ACACA: variants seen among roughly 807,000 people sequenced by gnomAD.
ACACA encodes acetyl-CoA carboxylase alpha, also known as acetyl-CoA carboxylase 1.
Under a neutral mutation model 296.1 loss-of-function variants are expected in ACACA, and 103 were observed. The ratio of observed to expected loss-of-function variants is 0.35; its 90% CI spans 0.30 to 0.41. The LOEUF is 0.41. Among genes scored for constraint, ACACA ranks in the 10% least tolerant of loss-of-function variants. The pLI, the probability that ACACA is intolerant of heterozygous loss-of-function variation, is 1.00. For synonymous variants in ACACA, 953 were observed against 1,038.6 expected, an observed-to-expected ratio of 0.92 and a Z score of 1.58; for missense variants, 1,554 against 2,989.7, an observed-to-expected ratio of 0.52 and a Z score of 11.20.
At chr17:37,091,340 C>T (rs894331082) in intron 54 of ACACA, among the ~76,000 whole-genome samples, 3 of 152,166 alleles carry the variant, frequency 2.0e-5, no homozygotes, top group Non-Finnish European at 2.9e-5. Flanking sequence ...CTGCTGTTTA[C>T]GCAAAGTACA....
intron 2 of ACACA, among the ~76,000 whole-genome samples, chr17:37,337,720 T>A (rs1018442351): frequency 6.6e-6 from 1 of 151,734 alleles, no homozygotes; most frequent in African/African-American, 2.4e-5. Context: ...CCCAAACGGT[T>A]GGGATTATCA....
chr17:37,405,738 G>C (rs1037350422), intron 1 of ACACA, among the ~76,000 whole-genome samples: 1 of 151,988 alleles, frequency 6.6e-6, no homozygotes, highest in African/African-American at 2.4e-5. Flanking sequence ...ATTTTTAGTA[G>C]AGACGGGATT....
rs75694062 is a variant in ACACA at position 37,354,893 on chromosome 17, C to T, written c.39-15043G>A. The stretch of plus-strand genomic sequence containing the variant: ...AATGAGCAATGATCACGTCACTGCA[C>T]TCCATCCGGCCTGGGTGACACAGCG... On this transcript the variant is annotated intron_variant, in intron 1 of 55. Coordinates refer to ENST00000616317, the MANE Select transcript of ACACA (RefSeq NM_198834.3). Among the ~76,000 whole-genome samples the T allele has an allele frequency of 2.4e-4, 36 of 152,304 alleles. No homozygotes were observed. In the East Asian group the frequency reaches 6.6e-3, roughly 28 times the overall value.
At chr17:37,156,811 C>G (rs1397813195) in intron 42 of ACACA, among the ~76,000 whole-genome samples, 1 of 152,148 alleles carries the variant, frequency 6.6e-6, no homozygotes, top group African/African-American at 2.4e-5. Context: ...TTATGCCCAC[C>G]ATTTAACTCA....
intron 1 of ACACA, among the ~76,000 whole-genome samples, chr17:37,403,877 C>T (rs2051374140): frequency 6.6e-6 from 1 of 151,858 alleles, no homozygotes; most frequent in East Asian, 1.9e-4. Context: ...CTCCAGGGTT[C>T]AAGCAATTCT....
Position 37,188,491 on chromosome 17 carries a change from C to T in ACACA, c.4573-11G>A. On this transcript the variant is annotated splice_polypyrimidine_tract_variant and intron_variant, in intron 38 of 55. Coordinates refer to ENST00000616317, the MANE Select transcript of ACACA (RefSeq NM_198834.3). Reference sequence around the variant, plus strand: ...CACGGATTCCTCAATCTGACACAGACACATCACCAAGCACAAAACTTAAAT... The same window carrying T: ...CACGGATTCCTCAATCTGACACAGATACATCACCAAGCACAAAACTTAAAT... 6.2e-7 allele frequency: 1 copy of T among 1,612,400 alleles called. No homozygotes were observed. The highest frequency in any genetic ancestry group is 8.5e-7 in the Non-Finnish European group (1 of 1,179,930).
At chr17:37,320,159 T>C (rs754079741) in intron 3 of ACACA, among the ~76,000 whole-genome samples, 1 of 151,926 alleles carries the variant, frequency 6.6e-6, no homozygotes, top group African/African-American at 2.4e-5. Context: ...TAAATATATA[T>C]TTTCTAACTT....
chr17:37,345,653 G>A (rs189638883), intron 1 of ACACA, among the ~76,000 whole-genome samples: 5 of 152,238 alleles, frequency 3.3e-5, no homozygotes, highest in African/African-American at 1.2e-4. Flanking sequence ...GGGGTCGAGG[G>A]GAGGGGAAAG....
chr17:37,249,298 G>A (rs1469988289), intron 16 of ACACA, among the ~76,000 whole-genome samples: 1 of 152,178 alleles, frequency 6.6e-6, no homozygotes, highest in East Asian at 1.9e-4. Context: ...TTTAGCTACT[G>A]TGAATAATCC....
At chr17:37,297,470 CATGCGTGTGTGTACAT>C (rs2083401685) in intron 3 of ACACA, among the ~76,000 whole-genome samples, 1 of 149,842 alleles carries the variant, frequency 6.7e-6, no homozygotes, top group African/African-American at 2.5e-5. Flanking sequence ...ACCACACACA[CATGCGTGTGTGTACAT>C]ATATATGTAT....
At chr17:37,210,923 T>A (rs1281128697) in intron 29 of ACACA, among the ~76,000 whole-genome samples, 7 of 152,120 alleles carry the variant, frequency 4.6e-5, no homozygotes, top group Non-Finnish European at 7.4e-5. Flanking sequence ...GAAGGTGTAA[T>A]AAGGAGGTCC....
chr17:37,141,560 C>CA (rs1482650108), intron 45 of ACACA: 4 of 173,460 alleles, frequency 2.3e-5, no homozygotes, highest in Admixed American at 6.1e-5. Context: ...ACCACGCCAA[C>CA]CTGATTTTCT....
intron 8 of ACACA, among the ~76,000 whole-genome samples, 153 bp from the exon 9 acceptor site, chr17:37,274,452 G>A (rs2082192263): frequency 6.6e-6 from 1 of 152,108 alleles, no homozygotes. Flanking sequence ...CAGTCCTTGG[G>A]GTTAACAGGA....
chr17:37,289,544 T>C (rs1297903843), intron 3 of ACACA: 2 of 1,336,428 alleles, frequency 1.5e-6, no homozygotes, highest in Non-Finnish European at 2.0e-6. Context: ...GATACAAAAA[T>C]GTCAATCAAA....
intron 25 of ACACA, among the ~76,000 whole-genome samples, chr17:37,232,123 G>A (rs2079889096): frequency 6.6e-6 from 1 of 152,192 alleles, no homozygotes; most frequent in South Asian, 2.1e-4. Context: ...AACACCTGGA[G>A]AGGATGAAGG....
At chr17:37,390,623 T>C (rs926645795) in intron 1 of ACACA, among the ~76,000 whole-genome samples, 2 of 148,768 alleles carry the variant, frequency 1.3e-5, no homozygotes, top group African/African-American at 2.5e-5. Context: ...CAAGACTCCG[T>C]CTCAAAAAGA....
intron 29 of ACACA, 86 bp from the exon 30 acceptor site, chr17:37,210,576 T>C: frequency 7.7e-7 from 1 of 1,303,270 alleles, no homozygotes; most frequent in East Asian, 2.3e-5. Context: ...AGACCAGTCA[T>C]GAGGAGCTCC....
intron 29 of ACACA, among the ~76,000 whole-genome samples, chr17:37,219,737 T>G (rs2079197408): frequency 1.3e-5 from 2 of 148,922 alleles, no homozygotes; most frequent in South Asian, 4.2e-4. Context: ...TAATATATTA[T>G]GTATATAATC....
chr17:37,316,727 C>T (rs183452471), intron 3 of ACACA, among the ~76,000 whole-genome samples: 6 of 152,278 alleles, frequency 3.9e-5, no homozygotes, highest in African/African-American at 1.4e-4. Context: ...ATCAACATAT[C>T]AAAGAGATAT....
Sources: gnomAD v4.1 joint callset for allele counts (sites outside exome capture counted in the v4.1 genomes callset) on GRCh38, gnomAD v4.1.1 for gene constraint, MANE v1.5 for transcripts, NCBI Gene and HGNC (gene_info 2026-07-23, HGNC 2026-07-21) for gene names.